JARID2: variants seen among roughly 807,000 people sequenced by gnomAD.
The protein encoded by JARID2 is protein Jumonji.
In JARID2, 21 loss-of-function variants were observed where a neutral mutation model predicts 125.6. The observed-to-expected ratio is 0.17, with a 90% CI of 0.12 to 0.24. The LOEUF (loss-of-function observed/expected upper bound fraction) is 0.24, where lower values mean the gene tolerates loss of function less well. Among genes scored for constraint, JARID2 ranks in the 10% least tolerant of loss-of-function variants. The pLI, the probability that JARID2 is intolerant of heterozygous loss-of-function variation, is 1.00. For missense variants in JARID2, 1,303 were observed against 1,639.6 expected, an observed-to-expected ratio of 0.79 and a Z score of 3.55; for synonymous variants, 736 against 661.6, an observed-to-expected ratio of 1.11 and a Z score of -1.73.
At chr6:15,258,044 A>G (rs1178614301) in intron 1 of JARID2, among the ~76,000 whole-genome samples, 24 of 152,184 alleles carry the variant, frequency 1.6e-4, no homozygotes, top group Admixed American at 1.6e-3. Context: ...GGACATAGAG[A>G]TACTTAAGTA....
At chr6:15,378,978 T>C (rs1044290808) in intron 2 of JARID2, among the ~76,000 whole-genome samples, 4 of 152,194 alleles carry the variant, frequency 2.6e-5, no homozygotes, top group African/African-American at 9.7e-5. Context: ...GGGTATCTGA[T>C]GCCTGGGAAC....
At chr6:15,488,457 G>A (rs538689248) in intron 6 of JARID2, among the ~76,000 whole-genome samples, 47 of 152,310 alleles carry the variant, frequency 3.1e-4, no homozygotes, top group African/African-American at 1.0e-3. Flanking sequence ...AAAAATAGAG[G>A]GTTAAAATCT....
At chr6:15,333,648 T>C (rs969530162) in intron 1 of JARID2, among the ~76,000 whole-genome samples, 7 of 152,242 alleles carry the variant, frequency 4.6e-5, no homozygotes, top group Admixed American at 4.6e-4. Context: ...TGCAGTGTTG[T>C]GCAACCATCA....
intron 12 of JARID2, chr6:15,509,107 G>C (rs1012219172): frequency 3.9e-6 from 5 of 1,288,972 alleles, no homozygotes; most frequent in African/African-American, 1.5e-5. Flanking sequence ...CTGGGTCCCC[G>C]CCTGTAATCT....
intron 5 of JARID2, among the ~76,000 whole-genome samples, chr6:15,477,152 C>G (rs1014249965): frequency 6.6e-6 from 1 of 152,148 alleles, no homozygotes; most frequent in African/African-American, 2.4e-5. Context: ...GCTGGAATGA[C>G]TTAATTGCTT....
chr6:15,303,840 T>A lies in JARID2; in HGVS notation c.45+57256T>A, dbSNP rs970773945. Among the ~76,000 whole-genome samples the A allele has an allele frequency of 2.6e-5, 4 of 152,224 alleles. No individual in the cohort carries two copies. The South Asian group carries it at 8.3e-4, about 32-fold the overall frequency. On this transcript the variant is annotated intron_variant, in intron 1 of 17. Coordinates refer to ENST00000341776, the MANE Select transcript of JARID2 (RefSeq NM_004973.4). Reference sequence around the variant, plus strand: ...TGTATTATTAGTGTAAGGTGCCTTCTTTTTAGTTCACCTGGGCGAATCCTG... The same window carrying A: ...TGTATTATTAGTGTAAGGTGCCTTCATTTTAGTTCACCTGGGCGAATCCTG...
At chr6:15,295,748 C>G (rs1042519693) in intron 1 of JARID2, among the ~76,000 whole-genome samples, 1 of 152,184 alleles carries the variant, frequency 6.6e-6, no homozygotes, top group Admixed American at 6.5e-5. Flanking sequence ...ACTGCAACCT[C>G]TGCCTCCTGA....
intron 1 of JARID2, among the ~76,000 whole-genome samples, chr6:15,318,109 C>T (rs190627683): frequency 1.3e-3 from 195 of 152,216 alleles, no homozygotes; most frequent in African/African-American, 4.4e-3. Flanking sequence ...ACTGGGGAGG[C>T]TGAGGCAGGA....
intron 1 of JARID2, among the ~76,000 whole-genome samples, chr6:15,249,120 C>T (rs1174240131): frequency 1.3e-5 from 2 of 152,316 alleles, no homozygotes; most frequent in East Asian, 1.9e-4. Context: ...GCATTACTAG[C>T]GTGGTGCATG....
intron 3 of JARID2, among the ~76,000 whole-genome samples, chr6:15,421,300 C>T (rs1315446141): frequency 2.6e-5 from 4 of 151,716 alleles, no homozygotes; most frequent in Non-Finnish European, 4.4e-5. Context: ...TCACTAAAAG[C>T]GGAAGTTCTT....
chr6:15,516,513 AGCCC>A (rs1384271254), intron 16 of JARID2, among the ~76,000 whole-genome samples: 2 of 152,210 alleles, frequency 1.3e-5, no homozygotes, highest in Non-Finnish European at 2.9e-5. Flanking sequence ...CTTTGTGGAC[AGCCC>A]GCCCAAGGGG....
rs1770438456 is a variant in JARID2, at chr6:15,496,526, G to A, written c.1301G>A (p.Arg434Gln). Residue 434 changes from arginine to glutamine, a missense_variant, in exon 7 of 18, where the codon CGG becomes CAG. Coordinates refer to ENST00000341776, the MANE Select transcript of JARID2 (RefSeq NM_004973.4). ...CAGCTGCGGGAGGGCCTGCAGCTGC[G>A]GGAGGGGCTGCGGAACTCCAAGAGG... ...GRQLREGLQL[R>Q]EGLRNSKRRL... 6.2e-7 allele frequency: 1 copy of A among 1,608,116 alleles called. No individual in the cohort carries two copies. Among genetic ancestry groups the A allele is most frequent in the Non-Finnish European group, 8.5e-7 (1 of 1,177,714 alleles).
intron 2 of JARID2, among the ~76,000 whole-genome samples, chr6:15,408,976 CGT>C (rs1297571434): frequency 3.3e-5 from 5 of 152,124 alleles, no homozygotes; most frequent in African/African-American, 9.7e-5. Context: ...AGTGAATAAC[CGT>C]GTGTTTTATT....
At chr6:15,404,157 G>T (rs1765552804) in intron 2 of JARID2, among the ~76,000 whole-genome samples, 1 of 151,012 alleles carries the variant, frequency 6.6e-6, no homozygotes, top group Non-Finnish European at 1.5e-5. Flanking sequence ...TTGATCTGGT[G>T]AGCAAGTCAG....
intron 1 of JARID2, among the ~76,000 whole-genome samples, chr6:15,363,094 T>G (rs1405013245): frequency 6.6e-6 from 1 of 152,092 alleles, no homozygotes; most frequent in Non-Finnish European, 1.5e-5. Flanking sequence ...GTGGAGGTGA[T>G]GAAACAGCAG....
rs184288027 is a variant in JARID2 at position 15,297,037 on chromosome 6, C to T, written c.45+50453C>T. On this transcript the variant is annotated intron_variant, in intron 1 of 17. Coordinates refer to ENST00000341776, the MANE Select transcript of JARID2 (RefSeq NM_004973.4). ...GAATCTGAGAAGTCCTGCAGTCTTT[C>T]CAGTCTGTCCTTGTCATCTAAAACA... Among the ~76,000 whole-genome samples the T allele has an allele frequency of 2.6e-5, 4 of 152,346 alleles. No homozygotes were observed. In the East Asian group the frequency reaches 5.8e-4, roughly 22 times the overall value.
intron 8 of JARID2, among the ~76,000 whole-genome samples, chr6:15,503,053 G>C (rs1770817973): frequency 6.6e-6 from 1 of 152,224 alleles, no homozygotes; most frequent in South Asian, 2.1e-4. Flanking sequence ...TAAGAGGTTT[G>C]GATTTGTTTA....
intron 8 of JARID2, among the ~76,000 whole-genome samples, chr6:15,502,305 C>T (rs921935548): frequency 2.0e-5 from 3 of 152,246 alleles, no homozygotes; most frequent in Admixed American, 6.5e-5. Context: ...CAGTGGGTAG[C>T]GGGGCACCCG....
rs564260047 is a variant in JARID2 at position 15,484,609 on chromosome 6, T to A, written c.671-2698T>A. Among the ~76,000 whole-genome samples, 68 of 152,310 alleles carry A rather than the reference T, an allele frequency of 4.5e-4. 2 individuals are homozygous for A. The South Asian group carries it at 0.013, about 30-fold the overall frequency. Reference sequence around the variant, plus strand: ...GGTAGATGTTCTACCTACCGGAACATCTGCTATTCCCCAGTCTATAGATGG... The same window carrying A: ...GGTAGATGTTCTACCTACCGGAACAACTGCTATTCCCCAGTCTATAGATGG... On this transcript the variant is annotated intron_variant, in intron 5 of 17. Transcript: ENST00000341776.
Sources: allele counts gnomAD v4.1 joint callset (sites outside exome capture counted in the v4.1 genomes callset), GRCh38; gene constraint gnomAD v4.1.1; transcripts MANE v1.5; gene names NCBI Gene and HGNC (gene_info 2026-07-23, HGNC 2026-07-21).